The following LGALS8 variants were observed in gnomAD, a reference collection of about 807,000 sequenced individuals.
LGALS8 encodes the protein galectin 8.
Under a neutral mutation model 35.9 loss-of-function variants are expected in LGALS8, and 30 were observed. That is an observed-to-expected ratio of 0.83 (90% CI 0.62 to 1.13). LGALS8 has a LOEUF of 1.13. Among genes scored for constraint, LGALS8 ranks in the 50% most tolerant of loss-of-function variants. The probability of loss-of-function intolerance (pLI) is 0.00; values close to 1 mark genes in which losing one functional copy is unlikely to be tolerated. For missense variants in LGALS8, 366 were observed against 388.7 expected, an observed-to-expected ratio of 0.94 and a Z score of 0.49; for synonymous variants, 138 against 136.1, an observed-to-expected ratio of 1.01 and a Z score of -0.10.
Position 236,552,105 on chromosome 1 carries a change from A to C in LGALS8, c.*3944A>C. On this transcript the variant is annotated 3_prime_UTR_variant, in exon 10 of 10. Transcript: ENST00000366584. ...ACACAGTAATCAAAGCAGCAAATCGAACCTGAAAGGGATAAAAGAGCAAAG... is the reference window on the plus strand; with the variant it reads ...ACACAGTAATCAAAGCAGCAAATCGCACCTGAAAGGGATAAAAGAGCAAAG... 2 of 1,597,410 alleles carry C rather than the reference A, an allele frequency of 1.3e-6. No homozygotes were observed. The highest frequency in any genetic ancestry group is 1.7e-6 in the Non-Finnish European group (2 of 1,165,516).
intron 2 of LGALS8, among the ~76,000 whole-genome samples, chr1:236,533,808 A>G (rs535941109): frequency 6.6e-6 from 1 of 152,308 alleles, no homozygotes; most frequent in Non-Finnish European, 1.5e-5. Flanking sequence ...ATACACAAGC[A>G]TACTGTAGGA....
At position 236,528,951 on chromosome 1, in the gene LGALS8, T is replaced by C. The variant is rs190738479; in HGVS notation, c.45+2836T>C. Among the ~76,000 whole-genome samples the C allele has an allele frequency of 7.9e-4, 120 of 152,334 alleles. 1 individual carries two copies. Among genetic ancestry groups the C allele is most frequent in the Admixed American group, 6.5e-3 (99 of 15,298 alleles). On this transcript the variant is annotated intron_variant, in intron 2 of 9. Coordinates refer to ENST00000366584, the MANE Select transcript of LGALS8 (RefSeq NM_201544.4). ...CTATTTAGTATATTTCTTTGACTAG[T>C]TCAACTGATAGAATTCCAAGACTTA... is the stretch of plus-strand genomic sequence containing the variant.
chr1:236,547,055 C>G (rs1044634752), intron 9 of LGALS8, among the ~76,000 whole-genome samples: 4 of 152,062 alleles, frequency 2.6e-5, no homozygotes, highest in Non-Finnish European at 2.9e-5. Flanking sequence ...TTTGCAGATT[C>G]AGGTTTTGTG....
chr1:236,551,092 T>G lies in LGALS8; in HGVS notation c.*2931T>G. On this transcript the variant is annotated 3_prime_UTR_variant, in exon 10 of 10. Transcript: ENST00000366584. ...AATGCCTTGCACTTTCCGGCAATCA[T>G]TCAATCAAAAGAGTGAAATGAAGCA... is the stretch of plus-strand genomic sequence containing the variant. 1 of 885,446 alleles carries G rather than the reference T, an allele frequency of 1.1e-6. No homozygotes were observed. The highest frequency in any genetic ancestry group is 1.7e-6 in the Non-Finnish European group (1 of 595,034). 54.8% of individuals were successfully genotyped at this position (885,446 alleles called of 1,614,324 possible).
intron 3 of LGALS8, among the ~76,000 whole-genome samples, 186 bp from the exon 4 acceptor site, chr1:236,538,693 A>G (rs541593760): frequency 2.0e-5 from 3 of 152,238 alleles, no homozygotes; most frequent in African/African-American, 4.8e-5. Context: ...GTTCAAACTC[A>G]GGGGCTATTT....
chr1:236,549,017 G>A lies in LGALS8; in HGVS notation c.*856G>A. The A allele has an allele frequency of 2.5e-6, 1 of 398,406 alleles. No homozygotes were observed. Among genetic ancestry groups the A allele is most frequent in the Non-Finnish European group, 4.4e-6 (1 of 226,046 alleles). 24.7% of individuals were successfully genotyped at this position (398,406 alleles called of 1,614,324 possible). A position where few individuals can be genotyped will look rare whatever the true frequency, so the allele number is the denominator to read the frequency against. ...GAGGCAAGATGCATTCAATTTGAAA[G>A]ATATTTATGGGCAACAAAGTAAGGT... On this transcript the variant is annotated 3_prime_UTR_variant, in exon 10 of 10. Coordinates refer to ENST00000366584, the MANE Select transcript of LGALS8 (RefSeq NM_201544.4).
rs144999049 is a variant in LGALS8 at position 236,541,029 on chromosome 1, A to G, written c.465+346A>G. 2.9e-3 allele frequency among the ~76,000 whole-genome samples: 445 copies of G among 152,358 alleles called. 1 individual carries two copies. The highest frequency in any genetic ancestry group is 0.01 in the African/African-American group (427 of 41,570). ...AAAGAGCACAGTCATGTGTTGCATA[A>G]GGACAGTTCAGTCAAAGATGAACCA... On this transcript the variant is annotated intron_variant, in intron 5 of 9. Coordinates refer to ENST00000366584, the MANE Select transcript of LGALS8 (RefSeq NM_201544.4).
intron 4 of LGALS8, 80 bp from the exon 5 acceptor site, chr1:236,540,484 T>G: frequency 1.4e-6 from 2 of 1,429,900 alleles, no homozygotes; most frequent in Non-Finnish European, 1.9e-6. Context: ...CAAGGAAACA[T>G]TTAAATTTGG....
chr1:236,547,615 G>C (rs563105318), intron 9 of LGALS8, among the ~76,000 whole-genome samples: 1 of 137,548 alleles, frequency 7.3e-6, no homozygotes, highest in Non-Finnish European at 1.6e-5. Flanking sequence ...GCATCTCGGT[G>C]AACTAAAGCA....
chr1:236,541,094 A>AT (rs1408272003), intron 5 of LGALS8, among the ~76,000 whole-genome samples: 3 of 152,176 alleles, frequency 2.0e-5, no homozygotes, highest in African/African-American at 7.2e-5. Context: ...CATATACTGT[A>AT]TTTTTACCAT....
chr1:236,529,377 T>C (rs1661012443), intron 2 of LGALS8, among the ~76,000 whole-genome samples: 1 of 151,752 alleles, frequency 6.6e-6, no homozygotes, highest in Admixed American at 6.6e-5. Context: ...AGGTCAGGAG[T>C]TCGAGACCAG....
intron 2 of LGALS8, among the ~76,000 whole-genome samples, chr1:236,535,050 G>A (rs1661387974): frequency 9.6e-6 from 1 of 103,686 alleles, no homozygotes; most frequent in African/African-American, 3.9e-5. Context: ...GACAGAGTGA[G>A]ACTCTGTCTC....
rs1558174180 is a variant in LGALS8, at chr1:236,551,839, C to G, written c.*3678C>G. 1 of 578,180 alleles carries G rather than the reference C, an allele frequency of 1.7e-6. No individual in the cohort carries two copies. Among genetic ancestry groups the G allele is most frequent in the Non-Finnish European group, 3.1e-6 (1 of 326,736 alleles). 35.8% of individuals were successfully genotyped at this position (578,180 alleles called of 1,614,324 possible). ...CTCCACCCAACTCAAAACAGGAGCT[C>G]GAGCCTGCCTGTATTTGAGACTGGA... On this transcript the variant is annotated 3_prime_UTR_variant, in exon 10 of 10. Transcript: ENST00000366584.
Position 236,542,712 on chromosome 1 carries a change from A to G in LGALS8, c.523-49A>G, listed in dbSNP as rs376160516. ...CAACCAAGACTTCAGATTATAAACT[A>G]TAATTCTTCCCCTTCTAACATTGTT... On this transcript the variant is annotated intron_variant, in intron 6 of 9. Transcript: ENST00000366584. 17 of 1,590,090 alleles carry G rather than the reference A, an allele frequency of 1.1e-5. No individual in the cohort carries two copies. In the African/African-American group the frequency reaches 2.1e-4, roughly 20 times the overall value.
chr1:236,520,024 T>C (rs1476694422), upstream of LGALS8, among the ~76,000 whole-genome samples: 1 of 140,376 alleles, frequency 7.1e-6, no homozygotes, highest in Non-Finnish European at 1.5e-5. Flanking sequence ...TGGTACAATC[T>C]CAGCTCACTG....
chr1:236,547,994 T>C lies in LGALS8; in HGVS notation c.805-18T>C, dbSNP rs115315386. 728 of 1,602,998 alleles carry C rather than the reference T, an allele frequency of 4.5e-4. 1 individual carries two copies. The African/African-American group carries it at 8.6e-3, about 19-fold the overall frequency. On this transcript the variant is annotated intron_variant, in intron 9 of 9. Transcript: ENST00000366584. ...AAACTAAGGGGAACCACTAATGGCA[T>C]GTATCCTTTCCTTTCAGATGATAAT...
chr1:236,531,007 G>C (rs766161713), intron 2 of LGALS8, among the ~76,000 whole-genome samples: 19 of 152,012 alleles, frequency 1.2e-4, no homozygotes, highest in Non-Finnish European at 2.2e-4. Context: ...TATATATCCT[G>C]TCTCTTTACG....
At position 236,550,093 on chromosome 1, in the gene LGALS8, GA is replaced by G. The variant is rs1558172490; in HGVS notation, c.*1933del. ...CCAACTTCACCATGACCCAGTACTAGAGATTAGGGCACTTCAAAGCATTGAA... is the reference window on the plus strand; with the variant it reads ...CCAACTTCACCATGACCCAGTACTAGGATTAGGGCACTTCAAAGCATTGAA... On this transcript the variant is annotated 3_prime_UTR_variant, in exon 10 of 10. Coordinates refer to ENST00000366584, the MANE Select transcript of LGALS8 (RefSeq NM_201544.4). 6.6e-6 allele frequency: 1 copy of G among 152,154 alleles called. No homozygotes were observed. The highest frequency in any genetic ancestry group is 2.4e-5 in the African/African-American group (1 of 41,434). The allele number at this position is 152,154 out of a possible 1,614,324, so 9.4% of individuals were successfully genotyped here. A position where few individuals can be genotyped will look rare whatever the true frequency, so the allele number is the denominator to read the frequency against.
At position 236,549,173 on chromosome 1, in the gene LGALS8, C is replaced by T. The variant is rs998157494; in HGVS notation, c.*1012C>T. The T allele has an allele frequency of 4.3e-5, 17 of 393,306 alleles. No individual in the cohort carries two copies. Among genetic ancestry groups the T allele is most frequent in the African/African-American group, 1.6e-4 (8 of 48,516 alleles). The allele number at this position is 393,306 out of a possible 1,614,324, so 24.4% of individuals were successfully genotyped here. A position where few individuals can be genotyped will look rare whatever the true frequency, so the allele number is the denominator to read the frequency against. On this transcript the variant is annotated 3_prime_UTR_variant, in exon 10 of 10. Transcript: ENST00000366584. ...CCATGAAATCACCAATCAAGGCCTC[C>T]GTTCTTCTAAAGATTAGTCCATCAT...
Sources: gnomAD v4.1 joint callset for allele counts (sites outside exome capture counted in the v4.1 genomes callset) on GRCh38, gnomAD v4.1.1 for gene constraint, MANE v1.5 for transcripts, NCBI Gene and HGNC (gene_info 2026-07-23, HGNC 2026-07-21) for gene names.